TXNRD1: variants seen among roughly 807,000 people sequenced by gnomAD.
TXNRD1 encodes thioredoxin reductase 1.
TXNRD1 carries 57 observed loss-of-function variants against 80.3 expected under a neutral mutation model. That is an observed-to-expected ratio of 0.71 (90% CI 0.57 to 0.89). The LOEUF (loss-of-function observed/expected upper bound fraction) is 0.89, where lower values mean the gene tolerates loss of function less well. TXNRD1 is among the 40% of genes least tolerant of loss of function. The pLI is 0.00. For missense variants in TXNRD1, 730 were observed against 803.0 expected, an observed-to-expected ratio of 0.91 and a Z score of 1.10; for synonymous variants, 291 against 285.2, an observed-to-expected ratio of 1.02 and a Z score of -0.20.
intron 4 of TXNRD1, among the ~76,000 whole-genome samples, chr12:104,308,489 TAAC>T (rs2035012716): frequency 6.6e-6 from 1 of 152,130 alleles, no homozygotes; most frequent in African/African-American, 2.4e-5. Context: ...AAAAATACGT[TAAC>T]ATTTAATAAA....
Position 104,331,561 on chromosome 12 carries a change from G to GT in TXNRD1, c.1571dup (p.Phe525IlefsTer13). 2 of 1,610,720 alleles carry GT rather than the reference G, an allele frequency of 1.2e-6. No homozygotes were observed. The highest frequency in any genetic ancestry group is 1.7e-6 in the Non-Finnish European group (2 of 1,178,128). On this transcript the variant is annotated frameshift_variant, in exon 14 of 17. Transcript: ENST00000525566. LOFTEE classifies it high-confidence loss of function. ...TGACTATGAAAATGTTCCAACCACT[G>GT]TATTTACTCCTTTGGAATATGGTGC...
chr12:104,287,054 G>T (rs2033991759), intron 3 of TXNRD1: 2 of 1,408,504 alleles, frequency 1.4e-6, no homozygotes, highest in Non-Finnish European at 1.8e-6. Context: ...GCAGCAGAGC[G>T]AAAGGTGGTC....
At chr12:104,283,913 C>G (rs1307900643) in intron 3 of TXNRD1, among the ~76,000 whole-genome samples, 1 of 152,104 alleles carries the variant, frequency 6.6e-6, no homozygotes, top group African/African-American at 2.4e-5. Context: ...AATCCAAAAT[C>G]CTGACTGTGG....
chr12:104,258,137 A>G (rs1482616933), intron 3 of TXNRD1, 58 bp downstream of exon 3: 1 of 1,275,158 alleles, frequency 7.8e-7, no homozygotes, highest in African/African-American at 1.5e-5. Context: ...TATCTCATTT[A>G]TTCTATCTGG....
intron 7 of TXNRD1, among the ~76,000 whole-genome samples, chr12:104,317,198 T>C (rs1360669486): frequency 6.6e-6 from 1 of 152,092 alleles, no homozygotes; most frequent in Non-Finnish European, 1.5e-5. Flanking sequence ...GGGTGAGCTA[T>C]ATACTATTCT....
intron 1 of TXNRD1, among the ~76,000 whole-genome samples, chr12:104,225,975 G>A (rs750772064): frequency 3.0e-4 from 46 of 152,174 alleles, no homozygotes; most frequent in Admixed American, 4.6e-4. Context: ...CAAGGTGGGC[G>A]GATCACCTGA....
At chr12:104,221,214 G>GATTC (rs1205073063) in intron 1 of TXNRD1, among the ~76,000 whole-genome samples, 1 of 152,230 alleles carries the variant, frequency 6.6e-6, no homozygotes, top group Non-Finnish European at 1.5e-5. Context: ...AGTGAGCCAT[G>GATTC]ATCAGGCTAC....
In TXNRD1 at chr12:104,319,501, A is replaced by T. The variant is rs2135827018; in HGVS notation, c.905A>T (p.Tyr302Phe). 1 of 1,595,962 alleles carries T rather than the reference A, an allele frequency of 6.3e-7. No homozygotes were observed. ...AATAATAAAGGCAAAGAAAAAATTT[A>T]TTCAGCAGAGAGATTTCTCATTGCC... ...ATNNKGKEKI[Y>F]SAERFLIATG... Residue 302 changes from tyrosine to phenylalanine, a missense_variant, in exon 9 of 17, where the codon TAT becomes TTT. Tyr to Phe is a conservative substitution (Grantham distance 22). Coordinates refer to ENST00000525566, the MANE Select transcript of TXNRD1 (RefSeq NM_001093771.3).
At chr12:104,253,332 T>C (rs781160460) in intron 2 of TXNRD1, among the ~76,000 whole-genome samples, 4 of 152,146 alleles carry the variant, frequency 2.6e-5, no homozygotes, top group African/African-American at 7.2e-5. Flanking sequence ...ATCAATATGA[T>C]AGTGATGCCT....
At chr12:104,278,502 T>TA (rs767349760) in intron 3 of TXNRD1, among the ~76,000 whole-genome samples, 1 of 1,678 alleles carries the variant, frequency 6.0e-4, no homozygotes, top group Non-Finnish European at 1.2e-3. Context: ...CCCAGCCTAA[T>TA]TTTTTTTTTT....
chr12:104,326,872 G>T (rs35666727), intron 12 of TXNRD1, among the ~76,000 whole-genome samples: 237 of 152,210 alleles, frequency 1.6e-3, no homozygotes, highest in African/African-American at 5.4e-3. Flanking sequence ...GTCTCGCTCT[G>T]TCACCCAGGC....
intron 3 of TXNRD1, among the ~76,000 whole-genome samples, chr12:104,271,881 A>AT (rs2033659203): frequency 6.6e-6 from 1 of 151,982 alleles, no homozygotes; most frequent in Non-Finnish European, 1.5e-5. Context: ...AAAAAAAAAA[A>AT]AGTAGAAGAA....
intron 4 of TXNRD1, among the ~76,000 whole-genome samples, chr12:104,307,586 G>C (rs947739844): frequency 1.3e-5 from 2 of 152,238 alleles, no homozygotes; most frequent in Non-Finnish European, 2.9e-5. Context: ...GTGAGTGGTA[G>C]AGCAAGTATT....
intron 1 of TXNRD1, among the ~76,000 whole-genome samples, chr12:104,235,803 ATGT>A (rs2032726321): frequency 6.6e-6 from 1 of 152,116 alleles, no homozygotes; most frequent in African/African-American, 2.4e-5. Context: ...ACAAGCTTCC[ATGT>A]TGTTTCATGT....
intron 1 of TXNRD1, among the ~76,000 whole-genome samples, chr12:104,232,761 G>A (rs2032653659): frequency 6.6e-6 from 1 of 152,132 alleles, no homozygotes; most frequent in African/African-American, 2.4e-5. Context: ...AAAGGAAATA[G>A]CGCTCGAATA....
chr12:104,220,744 G>A (rs974767682), intron 1 of TXNRD1, among the ~76,000 whole-genome samples: 1 of 3,052 alleles, frequency 3.3e-4, no homozygotes, highest in Non-Finnish European at 6.0e-4. Context: ...AAAAAACGGT[G>A]GGGGGGAGGC....
At chr12:104,313,112 G>C (rs1056706044) in intron 5 of TXNRD1, 133 bp from the exon 6 acceptor site, 6 of 607,770 alleles carry the variant, frequency 9.9e-6, no homozygotes, top group African/African-American at 1.9e-5. Context: ...CATGGTGTGT[G>C]AAGTACCCAG....
At chr12:104,335,922 C>CA (rs1353269155) in intron 15 of TXNRD1, among the ~76,000 whole-genome samples, 7 of 152,028 alleles carry the variant, frequency 4.6e-5, no homozygotes, top group Non-Finnish European at 7.4e-5. Flanking sequence ...GAATCCTCTG[C>CA]AAAAAAGATT....
chr12:104,304,686 C>CT, intron 4 of TXNRD1: 1 of 1,613,934 alleles, frequency 6.2e-7, no homozygotes, highest in Non-Finnish European at 8.5e-7. Context: ...GATCCAAACT[C>CT]TTTTTCTCGT....
Sources: gnomAD v4.1 joint callset for allele counts (sites outside exome capture counted in the v4.1 genomes callset) on GRCh38, gnomAD v4.1.1 for gene constraint, MANE v1.5 for transcripts, NCBI Gene and HGNC (gene_info 2026-07-23, HGNC 2026-07-21) for gene names.